The following GALNT14 variants were observed in gnomAD, a reference collection of about 807,000 sequenced individuals.
GALNT14 encodes the protein UDP-GalNAc:polypeptide N-acetylgalactosaminyltransferase 14.
Under a neutral mutation model 77.5 loss-of-function variants are expected in GALNT14, and 60 were observed. The ratio of observed to expected loss-of-function variants is 0.77; its 90% confidence interval spans 0.63 to 0.96. The LOEUF (loss-of-function observed/expected upper bound fraction) is 0.96. Ranked by LOEUF, GALNT14 falls within the 40% of genes least tolerant of loss-of-function variation. The pLI, the probability that GALNT14 is intolerant of heterozygous loss-of-function variation, is 0.00. For synonymous variants in GALNT14, 280 were observed against 281.7 expected (o/e 0.99, Z 0.06); for missense variants, 710 against 731.0 (o/e 0.97, Z 0.33).
At chr2:31,093,596 A>G (rs1316058089) in intron 1 of GALNT14, among the ~76,000 whole-genome samples, 1 of 152,182 alleles carries the variant, frequency 6.6e-6, no homozygotes, top group Non-Finnish European at 1.5e-5. Flanking sequence ...ACTTGCACAC[A>G]TCGCACTTGC....
At chr2:31,001,852 T>G (rs1670385340) in intron 1 of GALNT14, among the ~76,000 whole-genome samples, 1 of 150,642 alleles carries the variant, frequency 6.6e-6, no homozygotes, top group Non-Finnish European at 1.5e-5. Flanking sequence ...TAAAAATAAG[T>G]AAAATAAAAT....
chr2:30,907,489 ACT>A (rs1389669781), downstream of GALNT14, among the ~76,000 whole-genome samples: 2 of 152,090 alleles, frequency 1.3e-5, no homozygotes, highest in Non-Finnish European at 2.9e-5. Flanking sequence ...CGACACATAC[ACT>A]CTCCCAAGAC....
intron 1 of GALNT14, among the ~76,000 whole-genome samples, chr2:31,124,489 G>T (rs1489018668): frequency 6.6e-6 from 1 of 152,076 alleles, no homozygotes; most frequent in Admixed American, 6.6e-5. Context: ...GTTGTGTTGG[G>T]CAAGATATTG....
intron 1 of GALNT14, among the ~76,000 whole-genome samples, chr2:31,080,092 G>A (rs1157840784): frequency 6.6e-6 from 1 of 152,234 alleles, no homozygotes; most frequent in Non-Finnish European, 1.5e-5. Flanking sequence ...CAAAATCAGA[G>A]CTTTGACCAA....
chr2:30,983,674 T>C (rs1316847351), intron 2 of GALNT14, among the ~76,000 whole-genome samples: 1 of 152,148 alleles, frequency 6.6e-6, no homozygotes, highest in Non-Finnish European at 1.5e-5. Flanking sequence ...ATGTAGTATT[T>C]TAGTACCTCT....
intron 2 of GALNT14, among the ~76,000 whole-genome samples, chr2:30,972,397 C>T (rs1573066110): frequency 6.6e-6 from 1 of 152,212 alleles, no homozygotes; most frequent in African/African-American, 2.4e-5. Context: ...CTGCTTGGAG[C>T]TCCCGGTTTA....
At chr2:30,893,517 G>A in the GALNT14 span, among the ~76,000 whole-genome samples, 2 of 152,170 alleles carry the variant, frequency 1.3e-5, no homozygotes, top group African/African-American at 2.4e-5. Context: ...TTATAAACAT[G>A]TCACAAGGAT....
At chr2:31,001,119 ATC>A (rs1367719398) in intron 1 of GALNT14, among the ~76,000 whole-genome samples, 2 of 152,126 alleles carry the variant, frequency 1.3e-5, no homozygotes, top group Non-Finnish European at 2.9e-5. Context: ...TAGCCAGGCT[ATC>A]TCCAGGACCA....
the GALNT14 span, among the ~76,000 whole-genome samples, chr2:30,891,353 G>A: frequency 6.6e-6 from 1 of 152,186 alleles, no homozygotes; most frequent in Non-Finnish European, 1.5e-5. Flanking sequence ...CATCATAGCA[G>A]TGGCCTTGAA....
At chr2:31,114,070 C>T (rs193269285) in intron 1 of GALNT14, among the ~76,000 whole-genome samples, 34 of 152,306 alleles carry the variant, frequency 2.2e-4, no homozygotes, top group Non-Finnish European at 1.2e-4. Flanking sequence ...ACCCTGAATC[C>T]TTAAAAACTC....
At chr2:30,936,354 T>C (rs1468127757) in intron 9 of GALNT14, among the ~76,000 whole-genome samples, 1 of 152,132 alleles carries the variant, frequency 6.6e-6, no homozygotes, top group East Asian at 1.9e-4. Context: ...CGACTATTCA[T>C]ATGCCACTGC....
At chr2:31,066,767 A>G (rs1237757294) in intron 1 of GALNT14, among the ~76,000 whole-genome samples, 1 of 131,042 alleles carries the variant, frequency 7.6e-6, no homozygotes, top group African/African-American at 2.9e-5. Context: ...CCCACCCCCC[A>G]CCAAGGCCAG....
intron 1 of GALNT14, among the ~76,000 whole-genome samples, chr2:31,108,157 TACCA>T (rs892506957): frequency 6.6e-6 from 1 of 152,024 alleles, no homozygotes; most frequent in African/African-American, 2.4e-5. Flanking sequence ...ATTCAGGAAA[TACCA>T]AGGCCAGACT....
chr2:31,066,999 C>T (rs1413044391), intron 1 of GALNT14, among the ~76,000 whole-genome samples: 1 of 152,214 alleles, frequency 6.6e-6, no homozygotes, highest in Non-Finnish European at 1.5e-5. Context: ...CTCTGTAACA[C>T]CAGTGACACA....
Position 31,137,863 on chromosome 2 carries a change from G to T in GALNT14, c.129+95C>A, listed in dbSNP as rs946281803. 2.0e-6 allele frequency: 3 copies of T among 1,474,850 alleles called. No individual in the cohort carries two copies. The African/African-American group carries it at 4.2e-5, about 21-fold the overall frequency. The allele number at this position is 1,474,850 out of a possible 1,614,324, so 91.4% of individuals were successfully genotyped here. A position where few individuals can be genotyped will look rare whatever the true frequency, so the allele number is the denominator to read the frequency against. On this transcript the variant is annotated intron_variant, in intron 1 of 14. Coordinates refer to ENST00000349752, the MANE Select transcript of GALNT14 (RefSeq NM_024572.4). ...ACCTGCTCGCAGCACCCAGACCCTC[G>T]CCCTGGTTTCCCGGGAGCCCGCAAA... is the stretch of plus-strand genomic sequence containing the variant.
rs765821121 is a variant in GALNT14 at position 30,992,866 on chromosome 2, G to A, written c.271C>T (p.Arg91Trp). ...QRESERISSN[R>W]AIPDTRHLRC... ...AGATGGCGAGTGTCCGGGATGGCCC[G>A]ATTGCTGGAGATCCGCTCACTCTCC... is the stretch of plus-strand genomic sequence containing the variant. Residue 91 changes from arginine (R) to tryptophan (W), a missense_variant, in exon 2 of 15, where the codon CGG becomes TGG. Transcript: ENST00000349752. 49 of 1,613,958 alleles carry A rather than the reference G, an allele frequency of 3.0e-5. No homozygotes were observed. The highest frequency in any genetic ancestry group is 5.3e-5 in the African/African-American group (4 of 74,920).
intron 1 of GALNT14, among the ~76,000 whole-genome samples, chr2:31,025,559 G>A (rs1310301917): frequency 6.6e-6 from 1 of 152,142 alleles, no homozygotes; most frequent in Non-Finnish European, 1.5e-5. Flanking sequence ...GAAAACACCG[G>A]CAGGCTTGTC....
chr2:30,986,221 ACC>A (rs1000332143), intron 2 of GALNT14, among the ~76,000 whole-genome samples: 3 of 152,168 alleles, frequency 2.0e-5, no homozygotes, highest in African/African-American at 7.2e-5. Context: ...AAACACACAG[ACC>A]CAGCCAGGCC....
chr2:31,067,481 G>A (rs185182832), intron 1 of GALNT14, among the ~76,000 whole-genome samples: 106 of 152,166 alleles, frequency 7.0e-4, no homozygotes, highest in Non-Finnish European at 1.2e-3. Flanking sequence ...CTTCTGAGCC[G>A]GTTTTGTGCC....
Sources: allele counts gnomAD v4.1 joint callset (sites outside exome capture counted in the v4.1 genomes callset), GRCh38; gene constraint gnomAD v4.1.1; transcripts MANE v1.5; gene names NCBI Gene and HGNC (gene_info 2026-07-23, HGNC 2026-07-21).